The following LAMA4 variants were observed in gnomAD, a reference collection of about 807,000 sequenced individuals.
LAMA4 encodes the protein laminin subunit alpha-4.
In LAMA4, 127 loss-of-function variants were observed where a neutral mutation model predicts 207.1. The observed-to-expected ratio is 0.61, with a 90% CI of 0.53 to 0.71. The LOEUF is 0.71. Ranked by LOEUF, LAMA4 falls within the 30% of genes least tolerant of loss-of-function variation. LAMA4 has a pLI of 0.00. For synonymous variants in LAMA4, 761 were observed against 816.0 expected, an observed-to-expected ratio of 0.93 and a Z score of 1.15; for missense variants, 2,093 against 2,246.5, an observed-to-expected ratio of 0.93 and a Z score of 1.38.
intron 6 of LAMA4, among the ~76,000 whole-genome samples, chr6:112,191,416 T>C (rs1783112604): frequency 1.3e-5 from 2 of 152,244 alleles, no homozygotes; most frequent in Non-Finnish European, 2.9e-5. Flanking sequence ...TTGTGTCTCC[T>C]AGTTTATTCC....
intron 3 of LAMA4, among the ~76,000 whole-genome samples, chr6:112,215,717 G>A (rs977659437): frequency 6.6e-6 from 1 of 152,170 alleles, no homozygotes; most frequent in Non-Finnish European, 1.5e-5. Context: ...TGGGAAATAT[G>A]TAGCAAGTAC....
chr6:112,236,735 T>A (rs1554366191), intron 2 of LAMA4: 1 of 152,228 alleles, frequency 6.6e-6, no homozygotes, highest in Non-Finnish European at 1.5e-5. Context: ...TTAATTCGCA[T>A]GGAAAACTAA....
intron 31 of LAMA4, 145 bp from the exon 32 acceptor site, chr6:112,122,346 C>T: frequency 1.5e-6 from 1 of 659,556 alleles, no homozygotes; most frequent in Non-Finnish European, 2.6e-6. Context: ...CCCTCTCTTT[C>T]CTACCTCTAG....
At position 112,187,675 on chromosome 6, in the gene LAMA4, A is replaced by G. The variant is rs917942404; in HGVS notation, c.815-74T>C. 9 of 1,412,782 alleles carry G rather than the reference A, an allele frequency of 6.4e-6. No individual in the cohort carries two copies. The African/African-American group carries it at 1.1e-4, about 18-fold the overall frequency. 87.5% of individuals were successfully genotyped at this position (1,412,782 alleles called of 1,614,324 possible). ...GGCAGGCCGTTTTAGCAGAACATAAATCTCTATTTCCTTGGTTAATACCAT... is the reference window on the plus strand; with the variant it reads ...GGCAGGCCGTTTTAGCAGAACATAAGTCTCTATTTCCTTGGTTAATACCAT... On this transcript the variant is annotated intron_variant, in intron 7 of 38. Transcript: ENST00000230538.
intron 17 of LAMA4, among the ~76,000 whole-genome samples, chr6:112,148,748 T>C (rs894454198): frequency 6.6e-6 from 1 of 152,178 alleles, no homozygotes; most frequent in Non-Finnish European, 1.5e-5. Flanking sequence ...AGAGTTTTAG[T>C]AGTGAATTCC....
chr6:112,156,491 G>A (rs925202557), intron 14 of LAMA4, among the ~76,000 whole-genome samples: 3 of 152,060 alleles, frequency 2.0e-5, no homozygotes, highest in East Asian at 1.9e-4. Flanking sequence ...ATGTGTACCC[G>A]CATAATTTAT....
At position 112,187,563 on chromosome 6, in the gene LAMA4, G is replaced by A. The variant is rs562606710; in HGVS notation, c.853C>T (p.Arg285Trp). 8 of 1,613,856 alleles carry A rather than the reference G, an allele frequency of 5.0e-6. No individual in the cohort carries two copies. Among genetic ancestry groups the A allele is most frequent in the East Asian group, 2.2e-5 (1 of 44,840 alleles). Residue 285 changes from arginine to tryptophan, a missense_variant, in exon 8 of 39, where the codon CGG (arginine) becomes TGG (tryptophan). By Grantham distance (101) the Arg-to-Trp change is moderately radical. This residue lies in a region of LAMA4 where 1,704 missense variants were observed against 1,788.4 expected (regional missense o/e 0.95). Coordinates refer to ENST00000230538, the MANE Select transcript of LAMA4 (RefSeq NM_001105206.3). ...TCCTCGATGGAGAGCGCTGCTAACC[G>A]CAGGTCATCAGTCAGGTCCCAGACG... ...KCVWDLTDDL[R>W]LAALSIEEGK...
Position 112,253,967 on chromosome 6 carries a change from G to A in LAMA4, c.184C>T (p.Pro62Ser). 6.3e-7 allele frequency: 1 copy of A among 1,591,294 alleles called. No individual in the cohort carries two copies. The highest frequency in any genetic ancestry group is 8.6e-7 in the Non-Finnish European group (1 of 1,168,350). ...EPRVALGRLP[P>S]AAEKCNAGFF... ...CAGGGACACTGTACCTCGGCCGCAG[G>A]CGGCAGGCGTCCCAGAGCCACGCGG... The change falls in exon 2 of 39, where the codon CCT (proline) becomes TCT (serine). Residue 62 changes from proline (P) to serine (S), a missense_variant. Coordinates refer to ENST00000230538, the MANE Select transcript of LAMA4 (RefSeq NM_001105206.3).
At chr6:112,221,417 T>C (rs1225120174) in intron 2 of LAMA4, among the ~76,000 whole-genome samples, 3 of 152,322 alleles carry the variant, frequency 2.0e-5, no homozygotes, top group East Asian at 1.9e-4. Context: ...CTTCAGTTTA[T>C]TGAGGCTCCA....
Position 112,245,562 on chromosome 6 carries a change from A to C in LAMA4, c.195+8394T>G, listed in dbSNP as rs147790800. ...TGATTTCCTTTGAAGCAATCATGCCACTCCAAAATGGCATAATTTCAAAAT... is the reference window on the plus strand; with the variant it reads ...TGATTTCCTTTGAAGCAATCATGCCCCTCCAAAATGGCATAATTTCAAAAT... On this transcript the variant is annotated intron_variant, in intron 2 of 38. Coordinates refer to ENST00000230538, the MANE Select transcript of LAMA4 (RefSeq NM_001105206.3). Among the ~76,000 whole-genome samples, 201 of 152,256 alleles carry C rather than the reference A, an allele frequency of 1.3e-3. 2 individuals are homozygous for C. The Middle Eastern group carries it at 0.02, about 15-fold the overall frequency.
chr6:112,196,587 G>A (rs1300697376), intron 5 of LAMA4: 1 of 152,130 alleles, frequency 6.6e-6, no homozygotes, highest in East Asian at 1.9e-4. Context: ...ACTGGGATGA[G>A]GATGAGAATT....
At chr6:112,200,004 T>C (rs1783639685) in intron 5 of LAMA4, 1 of 464,236 alleles carries the variant, frequency 2.2e-6, no homozygotes, top group African/African-American at 2.0e-5. Context: ...AACACAATGG[T>C]GAGGCCAATG....
At chr6:112,192,224 C>T (rs1380322299) in intron 5 of LAMA4, among the ~76,000 whole-genome samples, 2 of 152,172 alleles carry the variant, frequency 1.3e-5, no homozygotes, top group Non-Finnish European at 2.9e-5. Flanking sequence ...AATGTCCTAG[C>T]CACAACGTTA....
At chr6:112,219,697 C>T (rs1784819068) in intron 2 of LAMA4, 1 of 152,032 alleles carries the variant, frequency 6.6e-6, no homozygotes, top group Non-Finnish European at 1.5e-5. Flanking sequence ...TAAATACATA[C>T]CTAAAGTTTA....
chr6:112,178,041 C>T (rs1782124763), intron 10 of LAMA4, 80 bp downstream of exon 10: 1 of 989,136 alleles, frequency 1.0e-6, no homozygotes, highest in Non-Finnish European at 1.6e-6. Flanking sequence ...AAACACTTAA[C>T]AGTAGCCATT....
chr6:112,165,421 G>C, intron 12 of LAMA4, 145 bp from the exon 13 acceptor site: 1 of 709,892 alleles, frequency 1.4e-6, no homozygotes, highest in Non-Finnish European at 2.6e-6. Context: ...TGTGCCTTTG[G>C]GGAATGCTAC....
At chr6:112,233,514 A>C (rs1416596075) in intron 2 of LAMA4, among the ~76,000 whole-genome samples, 1 of 152,206 alleles carries the variant, frequency 6.6e-6, no homozygotes, top group Non-Finnish European at 1.5e-5. Flanking sequence ...TTACTAGAAT[A>C]TCTGGAAGAA....
intron 27 of LAMA4, 22 bp from the exon 28 acceptor site, chr6:112,132,912 G>T: frequency 6.2e-7 from 1 of 1,611,234 alleles, no homozygotes; most frequent in Non-Finnish European, 8.5e-7. Context: ...AACAAGTGGA[G>T]ATAGTGTTTT....
intron 5 of LAMA4, among the ~76,000 whole-genome samples, chr6:112,193,666 C>T (rs182433394): frequency 6.6e-6 from 1 of 152,282 alleles, no homozygotes; most frequent in Admixed American, 6.5e-5. Flanking sequence ...TTAGTTACCA[C>T]AGACACCCTG....
Sources: allele counts gnomAD v4.1 joint callset (sites outside exome capture counted in the v4.1 genomes callset), GRCh38; gene constraint gnomAD v4.1.1; regional missense constraint gnomAD v4.1.1; transcripts MANE v1.5; gene names NCBI Gene and HGNC (gene_info 2026-07-23, HGNC 2026-07-21).